MED27: variants seen among roughly 807,000 people sequenced by gnomAD.
MED27 encodes mediator complex subunit 27.
In MED27, 30 loss-of-function variants were observed where a neutral mutation model predicts 38.2. That is an observed-to-expected ratio of 0.79 (90% CI 0.59 to 1.07). MED27 has a LOEUF of 1.07. Among genes scored for constraint, MED27 ranks in the 50% least tolerant of loss-of-function variants. The probability of loss-of-function intolerance (pLI) is 0.00; values close to 1 mark genes in which losing one functional copy is unlikely to be tolerated. For synonymous variants in MED27, 122 were observed against 153.5 expected (o/e 0.79, Z 1.52); for missense variants, 289 against 397.5 (o/e 0.73, Z 2.32).
At chr9:131,953,277 C>T (rs1228369079) in intron 3 of MED27, among the ~76,000 whole-genome samples, 1 of 152,212 alleles carries the variant, frequency 6.6e-6, no homozygotes, top group Admixed American at 6.5e-5. Context: ...CCTAAAGTGC[C>T]CTGGCACCTC....
intron 2 of MED27, among the ~76,000 whole-genome samples, chr9:132,074,520 C>T (rs551123262): frequency 1.8e-4 from 28 of 152,256 alleles, no homozygotes; most frequent in Admixed American, 8.5e-4. Flanking sequence ...AACCCATTAA[C>T]GCACTTACTG....
intron 2 of MED27, among the ~76,000 whole-genome samples, chr9:132,056,206 C>T (rs1833573163): frequency 6.6e-6 from 1 of 152,172 alleles, no homozygotes; most frequent in South Asian, 2.1e-4. Flanking sequence ...CGGACAAATA[C>T]TAGCATTTTT....
chr9:132,049,762 G>C (rs1486148677), intron 2 of MED27, among the ~76,000 whole-genome samples: 3 of 152,144 alleles, frequency 2.0e-5, no homozygotes, highest in Admixed American at 1.3e-4. Flanking sequence ...CCAACTGTCT[G>C]CGAGACTGGC....
chr9:132,035,774 G>A (rs992818269), intron 2 of MED27, among the ~76,000 whole-genome samples: 1 of 152,140 alleles, frequency 6.6e-6, no homozygotes, highest in African/African-American at 2.4e-5. Flanking sequence ...ACCAGCCTAG[G>A]CAACATAGCA....
intron 4 of MED27, among the ~76,000 whole-genome samples, chr9:131,924,098 G>T (rs1328207244): frequency 6.6e-6 from 1 of 152,182 alleles, no homozygotes; most frequent in Non-Finnish European, 1.5e-5. Flanking sequence ...TGGTATATAT[G>T]TATTTTCATA....
intron 6 of MED27, among the ~76,000 whole-genome samples, chr9:131,878,875 G>C (rs143581567): frequency 1.3e-5 from 2 of 150,480 alleles, no homozygotes; most frequent in South Asian, 2.1e-4. Flanking sequence ...TACTCTGCTG[G>C]AGACTTGCTG....
intron 6 of MED27, among the ~76,000 whole-genome samples, chr9:131,876,450 G>C (rs781655202): frequency 1.3e-5 from 2 of 152,222 alleles, no homozygotes; most frequent in Non-Finnish European, 2.9e-5. Context: ...AGGGAGCCTT[G>C]TGCAGGAAAG....
intron 4 of MED27, among the ~76,000 whole-genome samples, chr9:131,901,727 A>G (rs1829952032): frequency 6.6e-6 from 1 of 152,152 alleles, no homozygotes; most frequent in Non-Finnish European, 1.5e-5. Context: ...AAAGCTCATC[A>G]GTGCCCCTAT....
chr9:131,976,062 C>T (rs1487662819), intron 3 of MED27, among the ~76,000 whole-genome samples: 1 of 152,178 alleles, frequency 6.6e-6, no homozygotes. Context: ...CCACGAAGGG[C>T]TGTAAGGGCA....
At chr9:132,038,932 C>T (rs1177694660) in intron 2 of MED27, among the ~76,000 whole-genome samples, 3 of 152,156 alleles carry the variant, frequency 2.0e-5, no homozygotes, top group African/African-American at 7.2e-5. Context: ...GACACTCTGC[C>T]TGCTGGTAGA....
chr9:131,990,320 A>G (rs1831943922), intron 3 of MED27, among the ~76,000 whole-genome samples: 1 of 152,222 alleles, frequency 6.6e-6, no homozygotes. Context: ...CCCCTCTGGA[A>G]CATTCCTTCA....
intron 4 of MED27, among the ~76,000 whole-genome samples, chr9:131,908,354 C>T (rs1589201902): frequency 6.6e-6 from 1 of 152,234 alleles, no homozygotes; most frequent in African/African-American, 2.4e-5. Flanking sequence ...CTCTGCCCGG[C>T]CACCACCCCG....
intron 4 of MED27, among the ~76,000 whole-genome samples, chr9:131,923,095 C>T (rs1452373197): frequency 6.6e-6 from 1 of 152,180 alleles, no homozygotes; most frequent in Non-Finnish European, 1.5e-5. Flanking sequence ...CTCACTGTTG[C>T]TGGGGTCTCA....
chr9:132,073,829 A>G, intron 2 of MED27: 1 of 1,441,142 alleles, frequency 6.9e-7, no homozygotes, highest in Non-Finnish European at 9.0e-7. Flanking sequence ...CCCAGTAAAA[A>G]GTGACACTTC....
At chr9:132,067,169 C>T (rs1210947348) in intron 2 of MED27, among the ~76,000 whole-genome samples, 3 of 152,230 alleles carry the variant, frequency 2.0e-5, no homozygotes, top group Admixed American at 6.5e-5. Context: ...GTGTCCAACG[C>T]TGAACTAGAA....
chr9:131,914,727 G>C (rs1194843625), intron 4 of MED27, among the ~76,000 whole-genome samples: 1 of 152,240 alleles, frequency 6.6e-6, no homozygotes, highest in Non-Finnish European at 1.5e-5. Context: ...CACTGCACAA[G>C]TGGCACTCTA....
At chr9:131,925,898 C>T (rs980083276) in intron 4 of MED27, among the ~76,000 whole-genome samples, 2 of 152,224 alleles carry the variant, frequency 1.3e-5, no homozygotes, top group Non-Finnish European at 2.9e-5. Context: ...AAGGGCCATG[C>T]CTGCGTTAGT....
At chr9:131,884,753 G>A (rs915987745) in intron 5 of MED27, among the ~76,000 whole-genome samples, 2 of 151,782 alleles carry the variant, frequency 1.3e-5, no homozygotes, top group African/African-American at 2.4e-5. Flanking sequence ...GACTATAGGC[G>A]TGTGTCACCA....
At chr9:132,077,289 T>C (rs1834073211) in intron 2 of MED27, among the ~76,000 whole-genome samples, 153 bp downstream of exon 2, 1 of 152,166 alleles carries the variant, frequency 6.6e-6, no homozygotes, top group Non-Finnish European at 1.5e-5. Context: ...ACAAAATAGG[T>C]TACAGAAAAA....
Sources: gnomAD v4.1 joint callset for allele counts (sites outside exome capture counted in the v4.1 genomes callset) on GRCh38, gnomAD v4.1.1 for gene constraint, MANE v1.5 for transcripts, NCBI Gene and HGNC (gene_info 2026-07-23, HGNC 2026-07-21) for gene names.